Variants in ESR1 observed in about 807,000 individuals in gnomAD.
ESR1 encodes estrogen receptor 1.
A neutral mutation model predicts 52.7 loss-of-function variants in ESR1; 12 were observed. The ratio of observed to expected loss-of-function variants is 0.23; its 90% CI spans 0.15 to 0.37. The LOEUF (loss-of-function observed/expected upper bound fraction) is 0.37, where lower values mean the gene tolerates loss of function less well. ESR1 is among the 10% of genes least tolerant of loss of function. The pLI is 1.00. For synonymous variants in ESR1, 305 were observed against 316.8 expected (o/e 0.96, Z 0.39); for missense variants, 584 against 779.7 (o/e 0.75, Z 2.99).
At chr6:151,865,724 G>A (rs540622212) in intron 2 of ESR1, among the ~76,000 whole-genome samples, 10 of 152,290 alleles carry the variant, frequency 6.6e-5, no homozygotes, top group South Asian at 4.1e-4. Context: ...TCCTTTCACC[G>A]ATGAGGACCT....
chr6:151,976,148 T>G (rs922982227), intron 4 of ESR1, among the ~76,000 whole-genome samples: 6 of 150,758 alleles, frequency 4.0e-5, no homozygotes, highest in Admixed American at 1.3e-4. Context: ...GATTTTGTTG[T>G]TTTTTTTTAA....
In ESR1 at chr6:151,736,859, C is replaced by T. The variant is rs552726558; in HGVS notation, c.-71+34854C>T. ...AGGCATTTGAATTTCGGCACGCTGG[C>T]TCCTGAGTCCATTCTACTAAAAATT... is the stretch of plus-strand genomic sequence containing the variant. On this transcript the variant is annotated intron_variant, in intron 2 of 2. Coordinates refer to the ESR1 transcript ENST00000404742. Among the ~76,000 whole-genome samples, 12 of 152,182 alleles carry T rather than the reference C, an allele frequency of 7.9e-5. No individual in the cohort carries two copies. The East Asian group carries it at 2.1e-3, about 27-fold the overall frequency.
chr6:151,694,134 A>G lies in ESR1; in HGVS notation c.-202+3470A>G, dbSNP rs143374942. ...TGAACAACGTTATGATTCCTGTTGT[A>G]CAAATGAGGAAACTAAGGCTTTGCA... On this transcript the variant is annotated intron_variant, in intron 1 of 2. Coordinates refer to the ESR1 transcript ENST00000404742. 1.1e-4 allele frequency among the ~76,000 whole-genome samples: 16 copies of G among 152,326 alleles called. 1 individual carries two copies. Among genetic ancestry groups the G allele is most frequent in the African/African-American group, 3.8e-4 (16 of 41,582 alleles).
chr6:151,757,911 G>A (rs1467096840), intron 2 of ESR1, among the ~76,000 whole-genome samples: 1 of 152,190 alleles, frequency 6.6e-6, no homozygotes, highest in East Asian at 1.9e-4. Context: ...CTATTAGAGT[G>A]TGCTTCTAAA....
chr6:151,665,560 T>C (rs749431403), intron 1 of ESR1, among the ~76,000 whole-genome samples: 1 of 152,180 alleles, frequency 6.6e-6, no homozygotes, highest in Non-Finnish European at 1.5e-5. Context: ...GCCTCCCATC[T>C]GGGCAAGCCC....
upstream of ESR1, among the ~76,000 whole-genome samples, chr6:151,688,516 T>C (rs1407308028): frequency 6.6e-6 from 1 of 152,088 alleles, no homozygotes; most frequent in Non-Finnish European, 1.5e-5. Context: ...TAAACTAGTA[T>C]CTGACATCTA....
intron 3 of ESR1, among the ~76,000 whole-genome samples, chr6:151,933,644 A>T (rs1431336699): frequency 6.6e-6 from 1 of 152,094 alleles, no homozygotes; most frequent in African/African-American, 2.4e-5. Flanking sequence ...TACCTAATTT[A>T]TTGGGAGTTT....
rs533988941 is a variant in ESR1, at chr6:151,737,352, A to G, written c.-71+35347A>G. 2.6e-5 allele frequency among the ~76,000 whole-genome samples: 4 copies of G among 152,310 alleles called. No individual in the cohort carries two copies. The East Asian group carries it at 7.7e-4, about 29-fold the overall frequency. The stretch of plus-strand genomic sequence containing the variant: ...TTATTCATCTTGCCAATTGTCCTCA[A>G]GAAACATTGTTTCAAGTCCCATTAA... On this transcript the variant is annotated intron_variant, in intron 2 of 2. Coordinates refer to the ESR1 transcript ENST00000404742.
chr6:152,122,746 C>T, intron 6 of ESR1: 1 of 1,605,352 alleles, frequency 6.2e-7, no homozygotes. Context: ...TTTGCCTCTG[C>T]ACCTTCCTGG....
At chr6:151,673,096 G>T (rs1225502140) in intron 1 of ESR1, among the ~76,000 whole-genome samples, 1 of 152,062 alleles carries the variant, frequency 6.6e-6, no homozygotes, top group East Asian at 1.9e-4. Flanking sequence ...AAAGTGCTGG[G>T]ATTACAGGCA....
At chr6:151,973,866 G>C (rs1275030122) in intron 4 of ESR1, among the ~76,000 whole-genome samples, 2 of 152,112 alleles carry the variant, frequency 1.3e-5, no homozygotes, top group Non-Finnish European at 2.9e-5. Flanking sequence ...TCGTGCTCCT[G>C]TTATTCTTGT....
chr6:151,768,662 GA>G (rs200318562), intron 2 of ESR1, among the ~76,000 whole-genome samples: 27 of 150,490 alleles, frequency 1.8e-4, no homozygotes, highest in African/African-American at 4.6e-4. Flanking sequence ...AAACATCTCA[GA>G]AAAAAAAATA....
At chr6:152,086,756 G>T (rs929321432) in intron 6 of ESR1, among the ~76,000 whole-genome samples, 20 of 152,142 alleles carry the variant, frequency 1.3e-4, no homozygotes, top group Non-Finnish European at 2.8e-4. Context: ...CCCTTGCTGG[G>T]TTCCAGCAAA....
At chr6:151,802,174 C>G (rs575860739), upstream of ESR1, among the ~76,000 whole-genome samples, 1 of 152,204 alleles carries the variant, frequency 6.6e-6, no homozygotes, top group East Asian at 1.9e-4. Context: ...AACAAAAACT[C>G]AAGGTCAGGT....
chr6:151,938,522 C>T (rs1244999543), intron 3 of ESR1, among the ~76,000 whole-genome samples: 1 of 152,174 alleles, frequency 6.6e-6, no homozygotes, highest in Admixed American at 6.5e-5. Context: ...GTCTTTAGCT[C>T]CTTTCACCTT....
At chr6:151,932,545 T>C (rs2128489428) in intron 3 of ESR1, among the ~76,000 whole-genome samples, 1 of 120,132 alleles carries the variant, frequency 8.3e-6, no homozygotes, top group East Asian at 2.3e-4. Context: ...ATGTCCTGAA[T>C]GGTAATGCCT....
At chr6:152,118,380 T>A (rs1209528668) in intron 6 of ESR1, 1 of 152,010 alleles carries the variant, frequency 6.6e-6, no homozygotes, top group Non-Finnish European at 1.5e-5. Flanking sequence ...ATAGACTGGA[T>A]AAAGAAAATG....
chr6:151,947,348 T>C (rs3020424), intron 4 of ESR1, among the ~76,000 whole-genome samples: 101,835 of 151,978 alleles, frequency 0.67, 34,583 homozygotes, highest in Middle Eastern at 0.76. Context: ...AAATAGTAAA[T>C]GTCATTAGTA....
At chr6:152,049,733 CT>C (rs1473886692) in intron 5 of ESR1, among the ~76,000 whole-genome samples, 1 of 151,980 alleles carries the variant, frequency 6.6e-6, no homozygotes, top group Non-Finnish European at 1.5e-5. Context: ...CCTCTTGGCT[CT>C]GTGCCAGGGA....
Sources: allele counts gnomAD v4.1 joint callset (sites outside exome capture counted in the v4.1 genomes callset), GRCh38; gene constraint gnomAD v4.1.1; transcripts MANE v1.5; gene names NCBI Gene and HGNC (gene_info 2026-07-23, HGNC 2026-07-21).